The following DNAH17 variants were observed in gnomAD, a reference collection of about 807,000 sequenced individuals.
DNAH17 encodes the protein dynein axonemal heavy chain 17.
In DNAH17, 376 loss-of-function variants were observed where a neutral mutation model predicts 485.6. The observed-to-expected ratio is 0.77, with a 90% confidence interval of 0.71 to 0.84. DNAH17 has a LOEUF of 0.84. Ranked by LOEUF, DNAH17 falls within the 40% of genes least tolerant of loss-of-function variation. The pLI, the probability that DNAH17 is intolerant of heterozygous loss-of-function variation, is 0.00. For missense variants in DNAH17, 6,370 were observed against 5,839.3 expected (o/e 1.09, Z -2.96); for synonymous variants, 3,031 against 2,405.9 (o/e 1.26, Z -7.60).
At chr17:78,515,163 G>C (rs1598624024) in intron 25 of DNAH17, 141 bp from the exon 26 acceptor site, 5 of 1,023,026 alleles carry the variant, frequency 4.9e-6, no homozygotes, top group Non-Finnish European at 5.6e-6. Context: ...GATCAGTAAA[G>C]TGATTAGATA....
chr17:78,426,671 T>C (rs1598431581), intron 78 of DNAH17, 71 bp from the exon 79 acceptor site: 1 of 1,524,696 alleles, frequency 6.6e-7, no homozygotes, highest in East Asian at 2.3e-5. Flanking sequence ...CCAGTGCGTG[T>C]CATGAGTTGT....
intron 25 of DNAH17, among the ~76,000 whole-genome samples, chr17:78,524,439 G>GA (rs757335093): frequency 7.2e-5 from 11 of 152,066 alleles, no homozygotes; most frequent in Non-Finnish European, 1.3e-4. Flanking sequence ...CACCGGGCCT[G>GA]ATTCATGCTC....
rs146362556 is a variant in DNAH17, at chr17:78,530,556, TA to T, written c.3115-45del. ...GGCGGCCTGTCATAGCCTGCAAGCCTAGGGGGGGCGTCAGCACAGGGCCTCA... is the reference window on the plus strand; with the variant it reads ...GGCGGCCTGTCATAGCCTGCAAGCCTGGGGGGGCGTCAGCACAGGGCCTCA... On this transcript the variant is annotated intron_variant, in intron 20 of 80. Coordinates refer to ENST00000389840, the MANE Select transcript of DNAH17 (RefSeq NM_173628.4). 0.023 allele frequency: 36,028 copies of T among 1,567,920 alleles called. 576 individuals carry two copies. Among genetic ancestry groups the T allele is most frequent in the African/African-American group, 0.075 (5,585 of 74,386 alleles).
intron 71 of DNAH17, among the ~76,000 whole-genome samples, chr17:78,442,289 C>A (rs74415413): frequency 6.6e-6 from 1 of 152,308 alleles, no homozygotes; most frequent in African/African-American, 2.4e-5. Context: ...AGCAATCAGC[C>A]GGCTATTGCC....
At position 78,553,283 on chromosome 17, in the gene DNAH17, G is replaced by GGTTTTTTTTTTTTTTTTTTT. The variant is rs2091944708; in HGVS notation, c.2179-479_2179-478insAAAAAAAAAAAAAAAAAAAC. ...AAATTACCCAGTCCCAGGTTTTTGTGTTTTTTTTTTTTTTTTTTTTTTTTT... is the reference window on the plus strand; with the variant it reads ...AAATTACCCAGTCCCAGGTTTTTGTGGTTTTTTTTTTTTTTTTTTTTTTTTTTTTTTTTTTTTTTTTTTTT... On this transcript the variant is annotated intron_variant, in intron 14 of 80. Coordinates refer to ENST00000389840, the MANE Select transcript of DNAH17 (RefSeq NM_173628.4). Among the ~76,000 whole-genome samples the GGTTTTTTTTTTTTTTTTTTT allele has an allele frequency of 1.6e-4, 8 of 51,018 alleles. 3 individuals are homozygous for GGTTTTTTTTTTTTTTTTTTT. The highest frequency in any genetic ancestry group is 1.8e-4 in the African/African-American group (2 of 11,072). The allele number at this position is 51,018 out of a possible 152,430, so 33.5% of individuals were successfully genotyped here.
intron 14 of DNAH17, among the ~76,000 whole-genome samples, chr17:78,553,183 C>T (rs1446123074): frequency 1.3e-5 from 2 of 151,960 alleles, no homozygotes; most frequent in African/African-American, 4.8e-5. Context: ...TCCTGAGGTC[C>T]CCCCAGAAAC....
intron 60 of DNAH17, 54 bp downstream of exon 60, chr17:78,459,730 G>A: frequency 1.2e-6 from 2 of 1,600,686 alleles, no homozygotes; most frequent in Non-Finnish European, 8.6e-7. Flanking sequence ...TCGTGCCTTG[G>A]CCTGATGGAG....
chr17:78,456,415 C>T (rs1051108962), intron 62 of DNAH17, among the ~76,000 whole-genome samples: 2 of 151,922 alleles, frequency 1.3e-5, no homozygotes, highest in Admixed American at 6.5e-5. Context: ...CCCACATTGA[C>T]ACCCGGCTAT....
intron 18 of DNAH17, among the ~76,000 whole-genome samples, chr17:78,538,757 G>A (rs1443110313): frequency 6.6e-6 from 1 of 152,092 alleles, no homozygotes; most frequent in Non-Finnish European, 1.5e-5. Flanking sequence ...ACTGAATTTT[G>A]GGTCTGTGAC....
chr17:78,452,158 C>G (rs1367821215), intron 65 of DNAH17, among the ~76,000 whole-genome samples: 1 of 151,928 alleles, frequency 6.6e-6, no homozygotes, highest in Non-Finnish European at 1.5e-5. Flanking sequence ...AGCACTCACA[C>G]CAGGCCCCTC....
At chr17:78,563,505 C>T (rs1160856319) in intron 11 of DNAH17, among the ~76,000 whole-genome samples, 1 of 138,422 alleles carries the variant, frequency 7.2e-6, no homozygotes, top group Non-Finnish European at 1.6e-5. Context: ...AACCTGAAGA[C>T]CCATCATCCA....
intron 54 of DNAH17, among the ~76,000 whole-genome samples, chr17:78,474,694 G>A (rs1224262572): frequency 3.4e-5 from 5 of 147,008 alleles, no homozygotes; most frequent in Middle Eastern, 3.3e-3. Flanking sequence ...ACACGGACAC[G>A]CACACTGGCT....
At chr17:78,562,857 G>A (rs1314100465) in intron 11 of DNAH17, among the ~76,000 whole-genome samples, 2 of 152,078 alleles carry the variant, frequency 1.3e-5, no homozygotes, top group Admixed American at 6.6e-5. Flanking sequence ...CAAGTGGGAG[G>A]GGGACCAGAG....
Position 78,462,961 on chromosome 17 carries a change from G to T in DNAH17, c.9057C>A (p.Thr3019=), listed in dbSNP as rs1194709540. 6.2e-7 allele frequency: 1 copy of T among 1,613,892 alleles called. No homozygotes were observed. Among genetic ancestry groups the T allele is most frequent in the African/African-American group, 1.3e-5 (1 of 74,922 alleles). ...GGTACAGTTTGATCTGCTCCAGAAA[G>T]GTTTTGGGTGTGGTGTAGTTGTAGC... ...ERRYNYTTPK[T]FLEQIKLYQN... is the part of the protein sequence containing the mutation. Residue 3019 remains threonine, a synonymous_variant, in exon 57 of 81, where the codon ACC becomes ACA. Coordinates refer to ENST00000389840, the MANE Select transcript of DNAH17 (RefSeq NM_173628.4).
intron 16 of DNAH17, among the ~76,000 whole-genome samples, chr17:78,549,150 C>T (rs1191128072): frequency 6.6e-6 from 1 of 152,174 alleles, no homozygotes; most frequent in African/African-American, 2.4e-5. Context: ...AGTCCTAGCT[C>T]CTGTGTGGTT....
chr17:78,542,808 C>T (rs183028176), intron 17 of DNAH17, among the ~76,000 whole-genome samples: 3 of 152,196 alleles, frequency 2.0e-5, no homozygotes, highest in Non-Finnish European at 4.4e-5. Flanking sequence ...TAGTGATACA[C>T]CCTGTGCACG....
chr17:78,438,697 C>T (rs1334526728), intron 73 of DNAH17, among the ~76,000 whole-genome samples: 1 of 151,754 alleles, frequency 6.6e-6, no homozygotes, highest in Non-Finnish European at 1.5e-5. Context: ...CAGGGTTTCG[C>T]CATGTTGGTC....
intron 75 of DNAH17, among the ~76,000 whole-genome samples, chr17:78,432,846 G>A (rs2086723520): frequency 6.7e-6 from 1 of 150,260 alleles, no homozygotes; most frequent in Non-Finnish European, 1.5e-5. Flanking sequence ...AGGCTTAGCG[G>A]TCCAGTGACT....
intron 67 of DNAH17, 41 bp from the exon 68 acceptor site, chr17:78,450,435 G>A (rs530488936): frequency 3.1e-6 from 5 of 1,609,204 alleles, no homozygotes; most frequent in Admixed American, 3.4e-5. Flanking sequence ...ACAGCAGATG[G>A]GCAGTGCCAT....
Sources: gnomAD v4.1 joint callset for allele counts (sites outside exome capture counted in the v4.1 genomes callset) on GRCh38, gnomAD v4.1.1 for gene constraint, MANE v1.5 for transcripts, NCBI Gene and HGNC (gene_info 2026-07-23, HGNC 2026-07-21) for gene names.